Variants in TACC2 observed in about 807,000 individuals in gnomAD.
TACC2 encodes transforming acidic coiled-coil containing protein 2.
A neutral mutation model predicts 227.3 loss-of-function variants in TACC2; 137 were observed. The ratio of observed to expected loss-of-function variants is 0.60; its 90% confidence interval spans 0.52 to 0.69. The LOEUF is 0.69. TACC2 is among the 30% of genes least tolerant of loss of function. The pLI is 0.00. For synonymous variants in TACC2, 1,523 were observed against 1,487.5 expected (o/e 1.02, Z -0.55); for missense variants, 3,470 against 3,694.4 (o/e 0.94, Z 1.57).
At chr10:122,178,623 C>T (rs1378870125) in intron 7 of TACC2, among the ~76,000 whole-genome samples, 5 of 152,172 alleles carry the variant, frequency 3.3e-5, no homozygotes, top group African/African-American at 1.2e-4. Flanking sequence ...GTGGCTCACG[C>T]CTGTAATCCC....
At chr10:122,043,481 C>T (rs1344602071) in intron 2 of TACC2, among the ~76,000 whole-genome samples, 28 of 136,186 alleles carry the variant, frequency 2.1e-4, no homozygotes, top group African/African-American at 6.3e-4. Context: ...TTCTTTTTCT[C>T]TTTCTTTTTC....
At chr10:122,228,237 T>C (rs940876443) in intron 14 of TACC2, among the ~76,000 whole-genome samples, 6 of 152,228 alleles carry the variant, frequency 3.9e-5, no homozygotes, top group African/African-American at 1.4e-4. Context: ...TTAAGTACTT[T>C]ATATGCCTTC....
chr10:122,057,788 T>C (rs1451270525), intron 3 of TACC2, among the ~76,000 whole-genome samples: 1 of 151,970 alleles, frequency 6.6e-6, no homozygotes, highest in Non-Finnish European at 1.5e-5. Flanking sequence ...ATCGAGCCAT[T>C]GCACTCCAGC....
At chr10:122,031,828 C>G (rs934852582) in intron 2 of TACC2, among the ~76,000 whole-genome samples, 2 of 152,178 alleles carry the variant, frequency 1.3e-5, no homozygotes, top group African/African-American at 4.8e-5. Context: ...CCTCAGCCTC[C>G]CGAGTAGCTG....
At chr10:122,160,540 G>T (rs200875639) in intron 7 of TACC2, among the ~76,000 whole-genome samples, 1,500 of 107,900 alleles carry the variant, frequency 0.014, 20 homozygotes, top group African/African-American at 0.073. Context: ...TGTGTGTGTG[G>T]GGGGGGTCTC....
At chr10:122,158,137 C>T (rs1309219494) in intron 7 of TACC2, among the ~76,000 whole-genome samples, 1 of 152,110 alleles carries the variant, frequency 6.6e-6, no homozygotes, top group East Asian at 1.9e-4. Flanking sequence ...CTTGTAATTC[C>T]AGCACTTTGG....
At chr10:122,231,833 C>A (rs2095756213) in intron 16 of TACC2, among the ~76,000 whole-genome samples, 1 of 152,106 alleles carries the variant, frequency 6.6e-6, no homozygotes, top group South Asian at 2.1e-4. Flanking sequence ...AGAGCGAGAC[C>A]CTATCTTTTA....
intron 1 of TACC2, among the ~76,000 whole-genome samples, chr10:122,000,576 C>A (rs544259982): frequency 6.6e-6 from 1 of 152,204 alleles, no homozygotes; most frequent in African/African-American, 2.4e-5. Context: ...GGAAGCATTT[C>A]TTTTCCTCCC....
At chr10:122,189,944 A>G (rs1302970536) in intron 7 of TACC2, among the ~76,000 whole-genome samples, 1 of 152,182 alleles carries the variant, frequency 6.6e-6, no homozygotes, top group East Asian at 1.9e-4. Context: ...ATGATCTCTA[A>G]ATTTTCTTCC....
intron 5 of TACC2, among the ~76,000 whole-genome samples, chr10:122,127,652 C>T (rs1057059671): frequency 6.6e-6 from 1 of 152,102 alleles, no homozygotes; most frequent in Non-Finnish European, 1.5e-5. Context: ...AGAACCACCA[C>T]CAGCAGAACT....
At chr10:122,046,797 G>T (rs1008500597) in intron 2 of TACC2, among the ~76,000 whole-genome samples, 2 of 152,136 alleles carry the variant, frequency 1.3e-5, no homozygotes, top group Non-Finnish European at 2.9e-5. Context: ...ATATTTTACT[G>T]CAGGTCATCT....
intron 2 of TACC2, among the ~76,000 whole-genome samples, chr10:122,034,083 C>G (rs1959338957): frequency 6.9e-6 from 1 of 144,032 alleles, no homozygotes; most frequent in Non-Finnish European, 1.5e-5. Flanking sequence ...ATCCAGGAAG[C>G]AGAGGTTGCA....
chr10:122,075,420 C>T (rs2078685694), intron 3 of TACC2, among the ~76,000 whole-genome samples: 1 of 152,184 alleles, frequency 6.6e-6, no homozygotes, highest in Non-Finnish European at 1.5e-5. Flanking sequence ...TAGTTCATCT[C>T]AAGGACCTCG....
intron 7 of TACC2, chr10:122,192,439 G>A (rs2094440252): frequency 3.0e-6 from 1 of 328,044 alleles, no homozygotes; most frequent in Non-Finnish European, 6.1e-6. Context: ...TTCAGAGCCT[G>A]CTGTCGCCAG....
rs368649119 is a variant in TACC2, at chr10:122,085,967, G to A, written c.3467G>A (p.Ser1156Asn). 1 of 1,613,840 alleles carries A rather than the reference G, an allele frequency of 6.2e-7. No homozygotes were observed. ...APEKPGEATLSCGLLQTEHCL... is the reference protein window; with the variant it reads ...APEKPGEATLNCGLLQTEHCL... ...GAGAAACCTGGAGAAGCTACTTTGA[G>A]TTGTGGCCTCCTTCAGACTGAGCAC... Residue 1156 changes from serine (S) to asparagine (N), a missense_variant, in exon 4 of 23, where the codon AGT becomes AAT. Transcript: ENST00000369005.
At position 122,214,555 on chromosome 10, in the gene TACC2, G is replaced by A. The variant is rs181234741; in HGVS notation, c.7284-836G>A. Among the ~76,000 whole-genome samples, 205 of 152,256 alleles carry A rather than the reference G, an allele frequency of 1.3e-3. 1 individual carries two copies. Among genetic ancestry groups the A allele is most frequent in the African/African-American group, 4.9e-3 (202 of 41,550 alleles). On this transcript the variant is annotated intron_variant, in intron 9 of 22. Coordinates refer to ENST00000369005, the MANE Select transcript of TACC2 (RefSeq NM_206862.4). Reference sequence around the variant, plus strand: ...GGGGCTGGAGACGGGGCAGGGGCCAGTCTACAGGGTGGAAAGAGCCCCCAT... The same window carrying A: ...GGGGCTGGAGACGGGGCAGGGGCCAATCTACAGGGTGGAAAGAGCCCCCAT...
chr10:122,253,853 G>T, intron 22 of TACC2, 138 bp from the exon 23 acceptor site: 1 of 666,226 alleles, frequency 1.5e-6, no homozygotes. Context: ...CAGATTGTTT[G>T]GCTCCAAGTC....
intron 5 of TACC2, among the ~76,000 whole-genome samples, chr10:122,099,062 T>A (rs903299309): frequency 6.6e-6 from 1 of 152,174 alleles, no homozygotes. Context: ...CTGGCTGTGC[T>A]GAGCACATCT....
In TACC2 at chr10:122,086,155, C is replaced by A; in HGVS notation, c.3655C>A (p.Pro1219Thr). The change falls in exon 4 of 23, where the codon CCA becomes ACA. Residue 1219 changes from proline (P) to threonine (T), a missense_variant. This residue lies in a region of TACC2 where 1,924 missense variants were observed against 1,978.3 expected (regional missense o/e 0.97). Transcript: ENST00000369005. ...TTCTACACACCAGGCTGTCCCAGAC[C>A]CAAAGGAGCTCCTGCTGTCTGGGCC... ...DFSTHQAVPDPKELLLSGPPE... is the reference protein window; with the variant it reads ...DFSTHQAVPDTKELLLSGPPE... 11 of 1,613,674 alleles carry A rather than the reference C, an allele frequency of 6.8e-6. No homozygotes were observed. Among genetic ancestry groups the A allele is most frequent in the Non-Finnish European group, 9.3e-6 (11 of 1,179,978 alleles).
Sources: gnomAD v4.1 joint callset for allele counts (sites outside exome capture counted in the v4.1 genomes callset) on GRCh38, gnomAD v4.1.1 for gene constraint, gnomAD v4.1.1 regional missense constraint, MANE v1.5 for transcripts, NCBI Gene and HGNC (gene_info 2026-07-23, HGNC 2026-07-21) for gene names.